The following PLEKHA5 variants were observed in gnomAD, a reference collection of about 807,000 sequenced individuals.
PLEKHA5 encodes pleckstrin homology domain containing A5.
Under a neutral mutation model 181.9 loss-of-function variants are expected in PLEKHA5, and 55 were observed. The observed-to-expected ratio is 0.30, with a 90% CI of 0.24 to 0.38. PLEKHA5 has a LOEUF of 0.38. Among genes scored for constraint, PLEKHA5 ranks in the 10% least tolerant of loss-of-function variants. The pLI, the probability that PLEKHA5 is intolerant of heterozygous loss-of-function variation, is 1.00. For missense variants in PLEKHA5, 1,432 were observed against 1,549.5 expected, an observed-to-expected ratio of 0.92 and a Z score of 1.27; for synonymous variants, 535 against 529.4, an observed-to-expected ratio of 1.01 and a Z score of -0.15.
At chr12:19,253,556 C>T (rs767496547) in intron 3 of PLEKHA5, among the ~76,000 whole-genome samples, 33 of 151,914 alleles carry the variant, frequency 2.2e-4, no homozygotes, top group Non-Finnish European at 4.4e-4. Flanking sequence ...GTGTCTCATG[C>T]CTGTAATCCC....
intron 3 of PLEKHA5, among the ~76,000 whole-genome samples, chr12:19,203,564 T>C (rs1350064762): frequency 6.6e-6 from 1 of 152,056 alleles, no homozygotes; most frequent in Non-Finnish European, 1.5e-5. Flanking sequence ...AGTATTCACC[T>C]GGGCATTTCA....
chr12:19,229,156 G>A (rs76872200), intron 3 of PLEKHA5, among the ~76,000 whole-genome samples: 13,511 of 152,124 alleles, frequency 0.089, 647 homozygotes, highest in South Asian at 0.14. Flanking sequence ...TTTTTTGTTT[G>A]GTTTTAAGGG....
At chr12:19,368,770 A>G (rs530487617) in intron 30 of PLEKHA5, among the ~76,000 whole-genome samples, 2 of 152,286 alleles carry the variant, frequency 1.3e-5, no homozygotes, top group East Asian at 3.9e-4. Context: ...CAGCCTGGGC[A>G]ACAAAGAGCG....
intron 9 of PLEKHA5, 40 bp from the exon 10 acceptor site, chr12:19,270,148 G>A (rs1233271648): frequency 1.5e-6 from 2 of 1,331,468 alleles, no homozygotes; most frequent in African/African-American, 1.5e-5. Flanking sequence ...GGTGAATCCA[G>A]AATCCTAACA....
chr12:19,307,245 G>T, intron 15 of PLEKHA5: 1 of 507,146 alleles, frequency 2.0e-6, no homozygotes. Flanking sequence ...GGCTGAGGAG[G>T]GTGGATCACT....
intron 20 of PLEKHA5, among the ~76,000 whole-genome samples, chr12:19,331,693 T>G (rs1390945578): frequency 6.6e-6 from 1 of 152,164 alleles, no homozygotes; most frequent in Non-Finnish European, 1.5e-5. Flanking sequence ...TATTAAAATT[T>G]ACTTGTTCCA....
chr12:19,173,263 TC>T, intron 3 of PLEKHA5, among the ~76,000 whole-genome samples: 1 of 151,670 alleles, frequency 6.6e-6, no homozygotes, highest in African/African-American at 2.4e-5. Context: ...GACCTCATGA[TC>T]CACCCGCCTC....
chr12:19,324,132 A>G (rs1212110143), intron 20 of PLEKHA5, among the ~76,000 whole-genome samples: 1 of 152,208 alleles, frequency 6.6e-6, no homozygotes, highest in Non-Finnish European at 1.5e-5. Context: ...AAGAAGGGCC[A>G]CAGACAGTAT....
chr12:19,155,190 G>A (rs1185957516), intron 3 of PLEKHA5, among the ~76,000 whole-genome samples: 1 of 152,156 alleles, frequency 6.6e-6, no homozygotes, highest in Non-Finnish European at 1.5e-5. Context: ...TTATCACTAG[G>A]AAGACCTCAC....
intron 26 of PLEKHA5, among the ~76,000 whole-genome samples, chr12:19,357,991 C>T (rs532564942): frequency 6.6e-6 from 1 of 151,974 alleles, no homozygotes; most frequent in Non-Finnish European, 1.5e-5. Context: ...TTTTCTCTCT[C>T]CTCCCTTATA....
intron 29 of PLEKHA5, among the ~76,000 whole-genome samples, chr12:19,365,553 A>G (rs1016126570): frequency 1.3e-5 from 2 of 152,090 alleles, no homozygotes; most frequent in Non-Finnish European, 2.9e-5. Context: ...TTGTCAGGCA[A>G]TATATGGACC....
At chr12:19,338,473 G>T (rs1335310443) in intron 21 of PLEKHA5, among the ~76,000 whole-genome samples, 1 of 152,014 alleles carries the variant, frequency 6.6e-6, no homozygotes, top group Non-Finnish European at 1.5e-5. Flanking sequence ...ACAAAAATTA[G>T]CTGGGCACTT....
chr12:19,285,049 C>T (rs1376884511), intron 12 of PLEKHA5, among the ~76,000 whole-genome samples: 1 of 152,174 alleles, frequency 6.6e-6, no homozygotes, highest in African/African-American at 2.4e-5. Flanking sequence ...TTGATATTTC[C>T]ATAAATAAGC....
chr12:19,266,554 T>A (rs1402760606), intron 8 of PLEKHA5, among the ~76,000 whole-genome samples: 1 of 151,860 alleles, frequency 6.6e-6, no homozygotes, highest in Non-Finnish European at 1.5e-5. Context: ...GAGGCCGAGT[T>A]GGACAGAAAG....
chr12:19,362,217 A>C (rs1439754379), intron 29 of PLEKHA5, among the ~76,000 whole-genome samples: 1 of 147,306 alleles, frequency 6.8e-6, no homozygotes, highest in East Asian at 2.0e-4. Context: ...TCTATCTGAC[A>C]GGTGTGTTGT....
At chr12:19,158,214 G>A (rs185207034) in intron 3 of PLEKHA5, among the ~76,000 whole-genome samples, 8 of 152,132 alleles carry the variant, frequency 5.3e-5, no homozygotes, top group East Asian at 1.9e-4. Context: ...TTAGCCGGGC[G>A]TGGTGGCGGG....
chr12:19,265,057 A>G (rs2069857555), intron 7 of PLEKHA5, among the ~76,000 whole-genome samples: 1 of 152,240 alleles, frequency 6.6e-6, no homozygotes, highest in African/African-American at 2.4e-5. Context: ...TAGTCACACT[A>G]TTGTATATCA....
In PLEKHA5 at chr12:19,222,065, C is replaced by T. The variant is rs928709372; in HGVS notation, c.228-31875C>T. ...TTGAGCCTAGGAATTTGAGACCAGCCTGACAGCCTGAGCAACATAACGAGA... is the reference window on the plus strand; with the variant it reads ...TTGAGCCTAGGAATTTGAGACCAGCTTGACAGCCTGAGCAACATAACGAGA... On this transcript the variant is annotated intron_variant, in intron 3 of 31. Transcript: ENST00000429027. 2.0e-5 allele frequency among the ~76,000 whole-genome samples: 3 copies of T among 152,138 alleles called. No individual in the cohort carries two copies. The East Asian group carries it at 5.8e-4, about 29-fold the overall frequency.
intron 12 of PLEKHA5, among the ~76,000 whole-genome samples, 172 bp downstream of exon 12, chr12:19,283,917 T>C (rs1194759277): frequency 1.3e-5 from 2 of 152,230 alleles, no homozygotes; most frequent in Non-Finnish European, 2.9e-5. Context: ...AGATCTCATG[T>C]ATAAAAAATA....
Sources: gnomAD v4.1 joint callset for allele counts (sites outside exome capture counted in the v4.1 genomes callset) on GRCh38, gnomAD v4.1.1 for gene constraint, MANE v1.5 for transcripts, NCBI Gene and HGNC (gene_info 2026-07-23, HGNC 2026-07-21) for gene names.